The following RP1L1 variants were observed in gnomAD, a reference collection of about 807,000 sequenced individuals.
The protein encoded by RP1L1 is retinitis pigmentosa 1-like 1 protein.
In RP1L1, 27 loss-of-function variants were observed where a neutral mutation model predicts 15.7. The observed-to-expected ratio is 1.72, with a 90% CI of 1.27 to 2.38. The LOEUF (loss-of-function observed/expected upper bound fraction) is 2.38. Ranked by LOEUF, RP1L1 falls within the 30% of genes most tolerant of loss-of-function variation. RP1L1 has a pLI of 0.00. For synonymous variants in RP1L1, 1,813 were observed against 1,276.7 expected, an observed-to-expected ratio of 1.42 and a Z score of -8.96; for missense variants, 4,798 against 3,075.9, an observed-to-expected ratio of 1.56 and a Z score of -13.24.
intron 1 of RP1L1, among the ~76,000 whole-genome samples, chr8:10,644,379 C>T (rs761972361): frequency 2.6e-5 from 4 of 151,988 alleles, no homozygotes; most frequent in Non-Finnish European, 4.4e-5. Flanking sequence ...GCTTCCAGGA[C>T]ACAGCAGCCC....
intron 1 of RP1L1, among the ~76,000 whole-genome samples, chr8:10,629,293 G>T (rs1186350655): frequency 0.028 from 1 of 36 alleles, no homozygotes; most frequent in Middle Eastern, 0.5. Context: ...CATGGGCCCT[G>T]CCTGGGGGCT....
At position 10,607,519 on chromosome 8, in the gene RP1L1, T is replaced by C. The variant is rs375114484; in HGVS notation, c.6579A>G (p.Ser2193=). 148 of 1,606,622 alleles carry C rather than the reference T, an allele frequency of 9.2e-5. No individual in the cohort carries two copies. In the African/African-American group the frequency reaches 1.8e-3, roughly 20 times the overall value. Residue 2193 remains serine, a synonymous_variant, in exon 4 of 4, where the codon TCA becomes TCG. Transcript: ENST00000382483. ...PEAEGEAQPE[S]EGIEAPEAEG... ...CTGCCTCTGGGGCCTCTATACCTTCTGACTCTGGCTGGGCCTCCCCTTCTG... is the reference window on the plus strand; with the variant it reads ...CTGCCTCTGGGGCCTCTATACCTTCCGACTCTGGCTGGGCCTCCCCTTCTG...
intron 1 of RP1L1, among the ~76,000 whole-genome samples, chr8:10,629,607 C>A (rs576619347): frequency 6.6e-6 from 1 of 152,296 alleles, no homozygotes; most frequent in South Asian, 2.1e-4. Flanking sequence ...TCAACAATTG[C>A]ATTTTATTGT....
chr8:10,612,435 A>G lies in RP1L1; in HGVS notation c.1663T>C (p.Cys555Arg). 6.2e-7 allele frequency: 1 copy of G among 1,612,712 alleles called. No homozygotes were observed. ...GTCTCGGCCCTTGCCTTGCCTGGAC[A>G]GCCCTGGGGCCGCCCACCCCATTCG... ...SSEWGGRPQGCPGKARAETSQ... is the reference protein window; with the variant it reads ...SSEWGGRPQGRPGKARAETSQ... Residue 555 changes from cysteine to arginine, a missense_variant, in exon 4 of 4, where the codon TGT becomes CGT. Physicochemically the swap from Cys to Arg is radical, Grantham distance 180. Transcript: ENST00000382483.
At chr8:10,631,915 C>T (rs575425259) in intron 1 of RP1L1, among the ~76,000 whole-genome samples, 17 of 152,340 alleles carry the variant, frequency 1.1e-4, no homozygotes, top group African/African-American at 4.1e-4. Context: ...AGGCCATGGA[C>T]GTGAGTGAAT....
rs1483916250 is a variant in RP1L1 at position 10,611,964 on chromosome 8, T to C, written c.2134A>G (p.Arg712Gly). The C allele has an allele frequency of 1.9e-6, 3 of 1,613,868 alleles. No homozygotes were observed. Among genetic ancestry groups the C allele is most frequent in the South Asian group, 2.2e-5 (2 of 91,086 alleles). ...CTCAGGTTCCCAGAGGCCTGTGTCC[T>C]GGTGCTCGATGAGCTTCCAGAATAT... is the stretch of plus-strand genomic sequence containing the variant. ...PRYSGSSSST[R>G]TQASGNLRPP... The change falls in exon 4 of 4, where the codon AGG becomes GGG. Residue 712 changes from arginine (R) to glycine (G), a missense_variant. By Grantham distance (125) the Arg-to-Gly change is moderately radical. Transcript: ENST00000382483.
intron 1 of RP1L1, among the ~76,000 whole-genome samples, chr8:10,627,644 G>A (rs6986884): frequency 0.84 from 124,182 of 148,384 alleles, 52,428 homozygotes; most frequent in Non-Finnish European, 0.93. Context: ...CACAATACGA[G>A]ATATAAAAAA....
chr8:10,641,885 A>C (rs1798412451), intron 1 of RP1L1, among the ~76,000 whole-genome samples: 1 of 152,192 alleles, frequency 6.6e-6, no homozygotes, highest in Non-Finnish European at 1.5e-5. Context: ...TGAAAATGAC[A>C]ACATTATAGA....
chr8:10,629,413 A>G (rs1040477145), intron 1 of RP1L1, among the ~76,000 whole-genome samples: 1 of 152,140 alleles, frequency 6.6e-6, no homozygotes, highest in Non-Finnish European at 1.5e-5. Flanking sequence ...ATGGGAAGGA[A>G]TAGGGAGAAG....
chr8:10,621,903 G>A (rs897604240), intron 2 of RP1L1: 44 of 404,830 alleles, frequency 1.1e-4, no homozygotes, highest in African/African-American at 8.9e-4. Context: ...TCACTCTCTG[G>A]CTTCCCAAAC....
At chr8:10,617,415 A>G (rs1204815483) in intron 2 of RP1L1, among the ~76,000 whole-genome samples, 41 of 140,852 alleles carry the variant, frequency 2.9e-4, no homozygotes, top group Middle Eastern at 3.8e-3. Flanking sequence ...AAAAAAAAAA[A>G]AAAAAAGAAA....
chr8:10,609,126 G>A lies in RP1L1; in HGVS notation c.4972C>T (p.Pro1658Ser), dbSNP rs1797773906. 1.2e-6 allele frequency: 2 copies of A among 1,613,670 alleles called. No homozygotes were observed. The highest frequency in any genetic ancestry group is 1.7e-6 in the Non-Finnish European group (2 of 1,179,758). ...GEEAEGEEFCPCEACVRKKVS... is the reference protein window; with the variant it reads ...GEEAEGEEFCSCEACVRKKVS... ...TTCTTCCTCACGCAGGCCTCGCAGG[G>A]ACAGAACTCCTCCCCCTCCGCCTCC... Residue 1658 changes from proline (P) to serine (S), a missense_variant, in exon 4 of 4, where the codon CCC (proline) becomes TCC (serine). Coordinates refer to ENST00000382483, the MANE Select transcript of RP1L1 (RefSeq NM_178857.6).
intron 1 of RP1L1, among the ~76,000 whole-genome samples, chr8:10,646,253 C>G (rs1016378774): frequency 6.6e-6 from 1 of 152,208 alleles, no homozygotes; most frequent in African/African-American, 2.4e-5. Context: ...TATTCTATCT[C>G]CATTTTATGG....
At chr8:10,653,477 CAT>C (rs1491321763) in intron 1 of RP1L1, among the ~76,000 whole-genome samples, 216 of 151,556 alleles carry the variant, frequency 1.4e-3, no homozygotes, top group African/African-American at 3.8e-3. Context: ...CACACACACA[CAT>C]ACACACACAC....
chr8:10,621,961 A>G (rs1251579405), intron 2 of RP1L1, among the ~76,000 whole-genome samples: 1 of 152,140 alleles, frequency 6.6e-6, no homozygotes. Context: ...ACTTAAGGTA[A>G]CTTGAGTAGT....
At chr8:10,615,386 TATGG>T (rs111635323) in intron 3 of RP1L1, among the ~76,000 whole-genome samples, 17 of 152,208 alleles carry the variant, frequency 1.1e-4, no homozygotes, top group African/African-American at 3.9e-4. Context: ...TGGTTGGTTG[TATGG>T]ATGGATGGAT....
intron 1 of RP1L1, among the ~76,000 whole-genome samples, chr8:10,647,870 C>A (rs1798502163): frequency 6.6e-6 from 1 of 152,198 alleles, no homozygotes; most frequent in Non-Finnish European, 1.5e-5. Flanking sequence ...AGAGGAATTG[C>A]TGGATCCTAT....
chr8:10,613,050 T>A lies in RP1L1; in HGVS notation c.1048A>T (p.Thr350Ser). ...ACGGGGTCTTCCCCACTGGCTGCCG[T>A]GAGGGCGCTGGCCCTGCCCATCCTC... ...SRRMGRASAL[T>S]AASGEDPVLG... The change falls in exon 4 of 4, where the codon ACG becomes TCG. Residue 350 changes from threonine to serine, a missense_variant. Thr to Ser is a moderately conservative substitution (Grantham distance 58). Transcript: ENST00000382483. The A allele has an allele frequency of 6.2e-7, 1 of 1,613,556 alleles. No homozygotes were observed. Among genetic ancestry groups the A allele is most frequent in the Non-Finnish European group, 8.5e-7 (1 of 1,180,034 alleles).
intron 2 of RP1L1, among the ~76,000 whole-genome samples, chr8:10,617,010 ACT>A (rs917298112): frequency 5.9e-5 from 9 of 151,394 alleles, no homozygotes; most frequent in African/African-American, 2.2e-4. Context: ...AATGAAGGAG[ACT>A]CTGTGCTGCC....
Sources: allele counts gnomAD v4.1 joint callset (sites outside exome capture counted in the v4.1 genomes callset), GRCh38; gene constraint gnomAD v4.1.1; transcripts MANE v1.5; gene names NCBI Gene and HGNC (gene_info 2026-07-23, HGNC 2026-07-21).